Variants in GALNTL6 observed in about 807,000 individuals in gnomAD.
GALNTL6 encodes the protein polypeptide N-acetylgalactosaminyltransferase like 6.
GALNTL6 carries 46 observed loss-of-function variants against 73.7 expected under a neutral mutation model. The observed-to-expected ratio is 0.62, with a 90% CI of 0.49 to 0.80. GALNTL6 has a LOEUF of 0.80. Among genes scored for constraint, GALNTL6 ranks in the 30% least tolerant of loss-of-function variants. GALNTL6 has a pLI of 0.00. For missense variants in GALNTL6, 604 were observed against 755.0 expected, an observed-to-expected ratio of 0.80 and a Z score of 2.34; for synonymous variants, 259 against 263.7, an observed-to-expected ratio of 0.98 and a Z score of 0.17.
At chr4:171,919,000 G>T (rs1298329065) in intron 2 of GALNTL6, among the ~76,000 whole-genome samples, 1 of 152,050 alleles carries the variant, frequency 6.6e-6, no homozygotes. Flanking sequence ...GAAACAGAAA[G>T]TTACTGTACT....
rs907810993 is a variant in GALNTL6 at position 172,375,339 on chromosome 4, T to C, written c.553+26650T>C. 1.7e-4 allele frequency among the ~76,000 whole-genome samples: 26 copies of C among 152,308 alleles called. No individual in the cohort carries two copies. In the East Asian group the frequency reaches 4.2e-3, roughly 25 times the overall value. On this transcript the variant is annotated intron_variant, in intron 5 of 12. Transcript: ENST00000506823. ...ATTTTTCCCCATCAGAGAGAGAATATTGGGGCCAAGCCATAGTGCAGAAAA... is the reference window on the plus strand; with the variant it reads ...ATTTTTCCCCATCAGAGAGAGAATACTGGGGCCAAGCCATAGTGCAGAAAA...
In GALNTL6 at chr4:172,340,845, T is replaced by C. The variant is rs141304285; in HGVS notation, c.387-7678T>C. Among the ~76,000 whole-genome samples, 558 of 152,316 alleles carry C rather than the reference T, an allele frequency of 3.7e-3. 4 individuals are homozygous for C. The highest frequency in any genetic ancestry group is 0.015 in the South Asian group (74 of 4,830). ...TCTAATCCATTCTTGGGTTTTATTC[T>C]CCAGATAAGGGTTGTTCCTTTGTAT... is the stretch of plus-strand genomic sequence containing the variant. On this transcript the variant is annotated intron_variant, in intron 4 of 12. Coordinates refer to ENST00000506823, the MANE Select transcript of GALNTL6 (RefSeq NM_001034845.3).
At chr4:172,029,890 A>G (rs1741713000) in intron 2 of GALNTL6, among the ~76,000 whole-genome samples, 1 of 152,096 alleles carries the variant, frequency 6.6e-6, no homozygotes, top group African/African-American at 2.4e-5. Flanking sequence ...CCTATAGGTA[A>G]CAGTGCAATA....
chr4:172,970,214 A>T (rs1301235519), intron 10 of GALNTL6, among the ~76,000 whole-genome samples: 1 of 152,248 alleles, frequency 6.6e-6, no homozygotes, highest in African/African-American at 2.4e-5. Flanking sequence ...AGAATTACTG[A>T]TGAGGGTCTA....
chr4:171,852,137 C>T (rs1735539454), intron 2 of GALNTL6, among the ~76,000 whole-genome samples: 1 of 152,124 alleles, frequency 6.6e-6, no homozygotes, highest in African/African-American at 2.4e-5. Context: ...TACTGAAATA[C>T]ATACAGACTC....
rs191810507 is a variant in GALNTL6 at position 173,035,076 on chromosome 4, C to A, written c.1639-4857C>A. Among the ~76,000 whole-genome samples, 289 of 150,204 alleles carry A rather than the reference C, an allele frequency of 1.9e-3. 1 individual carries two copies. The highest frequency in any genetic ancestry group is 6.9e-3 in the African/African-American group (275 of 40,058). The stretch of plus-strand genomic sequence containing the variant: ...ACCCTCATCTACAATCTCATTGACA[C>A]TTTTTTACTACAAACATTTCTTTTT... On this transcript the variant is annotated intron_variant, in intron 12 of 12. Coordinates refer to ENST00000506823, the MANE Select transcript of GALNTL6 (RefSeq NM_001034845.3).
chr4:172,213,124 G>GT, intron 2 of GALNTL6, among the ~76,000 whole-genome samples: 1 of 151,548 alleles, frequency 6.6e-6, no homozygotes, highest in South Asian at 2.1e-4. Context: ...TTCATAGTTC[G>GT]TTTTTATTAA....
rs142521061 is a variant in GALNTL6 at position 172,723,891 on chromosome 4, G to T, written c.554-85470G>T. ...AGAAATATATTTTTGAGCCACAAAAGTACCTCTGTACAGGTTCACTGATAT... is the reference window on the plus strand; with the variant it reads ...AGAAATATATTTTTGAGCCACAAAATTACCTCTGTACAGGTTCACTGATAT... On this transcript the variant is annotated intron_variant, in intron 5 of 12. Transcript: ENST00000506823. Among the ~76,000 whole-genome samples, 12 of 152,224 alleles carry T rather than the reference G, an allele frequency of 7.9e-5. No homozygotes were observed. In the East Asian group the frequency reaches 2.3e-3, roughly 29 times the overall value.
At chr4:172,579,594 G>T (rs1331687287) in intron 5 of GALNTL6, among the ~76,000 whole-genome samples, 1 of 152,084 alleles carries the variant, frequency 6.6e-6, no homozygotes, top group Non-Finnish European at 1.5e-5. Context: ...GACTCCACAT[G>T]ATTTCAAACG....
At chr4:172,272,302 T>C (rs1738684428) in intron 3 of GALNTL6, among the ~76,000 whole-genome samples, 2 of 152,222 alleles carry the variant, frequency 1.3e-5, no homozygotes. Flanking sequence ...AGTACAGTCA[T>C]GCTTTGCTTA....
chr4:172,729,697 G>A (rs889419891), intron 5 of GALNTL6, among the ~76,000 whole-genome samples: 1 of 152,100 alleles, frequency 6.6e-6, no homozygotes, highest in Non-Finnish European at 1.5e-5. Flanking sequence ...ATTTTGCACA[G>A]GATTGCTTTG....
chr4:171,996,897 T>G (rs1048707634), intron 2 of GALNTL6, among the ~76,000 whole-genome samples: 5 of 152,124 alleles, frequency 3.3e-5, no homozygotes, highest in African/African-American at 1.2e-4. Flanking sequence ...TTCTCTCAGA[T>G]AATTACTAGT....
intron 3 of GALNTL6, among the ~76,000 whole-genome samples, chr4:172,264,910 C>T (rs1175093122): frequency 6.6e-6 from 1 of 150,612 alleles, no homozygotes; most frequent in Non-Finnish European, 1.5e-5. Flanking sequence ...CAAATTTATA[C>T]AGTGCAACCA....
At chr4:172,561,056 A>T (rs939550067) in intron 5 of GALNTL6, among the ~76,000 whole-genome samples, 1 of 151,692 alleles carries the variant, frequency 6.6e-6, no homozygotes, top group African/African-American at 2.4e-5. Context: ...GATCGAGACC[A>T]TCCTGGCTAA....
intron 2 of GALNTL6, among the ~76,000 whole-genome samples, chr4:171,876,470 C>T (rs1174328433): frequency 1.3e-5 from 2 of 152,108 alleles, no homozygotes; most frequent in Non-Finnish European, 2.9e-5. Context: ...TTGGCATTAT[C>T]ACTGTTTATT....
chr4:171,858,545 G>T (rs139773865), intron 2 of GALNTL6, among the ~76,000 whole-genome samples: 3 of 151,862 alleles, frequency 2.0e-5, no homozygotes, highest in African/African-American at 7.3e-5. Context: ...GAAGCCTATA[G>T]ATTTTTTTTT....
chr4:172,894,058 A>G (rs1396093057), intron 8 of GALNTL6, among the ~76,000 whole-genome samples: 1 of 152,066 alleles, frequency 6.6e-6, no homozygotes, highest in Admixed American at 6.6e-5. Context: ...ATCAACTTTC[A>G]GTATTTTCTT....
chr4:172,668,095 T>A (rs1377296571), intron 5 of GALNTL6: 2 of 152,184 alleles, frequency 1.3e-5, no homozygotes, highest in African/African-American at 2.4e-5. Flanking sequence ...AAGGTATATT[T>A]GTAATTTCAA....
In GALNTL6 at chr4:173,009,928, T is replaced by C. The variant is rs34245921; in HGVS notation, c.1488+634T>C. On this transcript the variant is annotated intron_variant, in intron 11 of 12. Transcript: ENST00000506823. ...GGGTACATGAAATGTTTTGATACAG[T>C]CATGCAATGCATAACAATCACATCA... 4.6e-5 allele frequency among the ~76,000 whole-genome samples: 7 copies of C among 152,216 alleles called. No homozygotes were observed. The East Asian group carries it at 7.7e-4, about 17-fold the overall frequency.
Sources: allele counts gnomAD v4.1 joint callset (sites outside exome capture counted in the v4.1 genomes callset), GRCh38; gene constraint gnomAD v4.1.1; transcripts MANE v1.5; gene names NCBI Gene and HGNC (gene_info 2026-07-23, HGNC 2026-07-21).